Variants in LRRTM3 observed in about 807,000 individuals in gnomAD.
LRRTM3 encodes the protein leucine-rich repeat transmembrane neuronal protein 3.
In LRRTM3, 24 loss-of-function variants were observed where a neutral mutation model predicts 44.7. That is an observed-to-expected ratio of 0.54 (90% confidence interval 0.39 to 0.76). The LOEUF (loss-of-function observed/expected upper bound fraction) is 0.76. Among genes scored for constraint, LRRTM3 ranks in the 30% least tolerant of loss-of-function variants. The pLI, the probability that LRRTM3 is intolerant of heterozygous loss-of-function variation, is 0.00. For synonymous variants in LRRTM3, 277 were observed against 278.7 expected, an observed-to-expected ratio of 0.99 and a Z score of 0.06; for missense variants, 587 against 702.2, an observed-to-expected ratio of 0.84 and a Z score of 1.85.
chr10:66,961,106 G>A (rs1849087060), intron 2 of LRRTM3, among the ~76,000 whole-genome samples: 1 of 152,104 alleles, frequency 6.6e-6, no homozygotes, highest in African/African-American at 2.4e-5. Flanking sequence ...TCAATAGCAA[G>A]GTCTTCTAGC....
chr10:66,946,614 A>G (rs1436424707), intron 2 of LRRTM3, among the ~76,000 whole-genome samples: 1 of 152,126 alleles, frequency 6.6e-6, no homozygotes, highest in Non-Finnish European at 1.5e-5. Flanking sequence ...CTGTTTTGGT[A>G]CTTTACATAA....
intron 2 of LRRTM3, among the ~76,000 whole-genome samples, chr10:66,978,371 C>CA (rs1850185912): frequency 6.6e-6 from 1 of 150,566 alleles, no homozygotes; most frequent in Non-Finnish European, 1.5e-5. Flanking sequence ...ACTAAAAATA[C>CA]AAAAAACTAG....
intron 2 of LRRTM3, among the ~76,000 whole-genome samples, chr10:66,965,976 A>G (rs1849390326): frequency 6.6e-6 from 1 of 152,212 alleles, no homozygotes; most frequent in African/African-American, 2.4e-5. Context: ...TGAAATTAAT[A>G]TAGCTCAGTA....
intron 2 of LRRTM3, among the ~76,000 whole-genome samples, chr10:66,962,433 CAG>C (rs1476097681): frequency 2.7e-5 from 4 of 149,118 alleles, no homozygotes; most frequent in Non-Finnish European, 4.4e-5. Context: ...TTTTTTGAGA[CAG>C]AGTCTCACTC....
At chr10:67,031,704 C>A (rs1255023647) in intron 2 of LRRTM3, among the ~76,000 whole-genome samples, 1 of 152,088 alleles carries the variant, frequency 6.6e-6, no homozygotes, top group Non-Finnish European at 1.5e-5. Flanking sequence ...TTTGAGTAGA[C>A]TAGGACCTTA....
At chr10:67,088,165 A>G (rs1857417258) in intron 2 of LRRTM3, among the ~76,000 whole-genome samples, 1 of 151,426 alleles carries the variant, frequency 6.6e-6, no homozygotes, top group Non-Finnish European at 1.5e-5. Flanking sequence ...CTTTTCCTAC[A>G]TGGAATCCTC....
chr10:67,043,190 C>G (rs998806759), intron 2 of LRRTM3, among the ~76,000 whole-genome samples: 1 of 148,868 alleles, frequency 6.7e-6, no homozygotes, highest in African/African-American at 2.5e-5. Context: ...CAACTTTTCT[C>G]CCTATAGCTC....
At chr10:66,961,249 G>A (rs1416247116) in intron 2 of LRRTM3, among the ~76,000 whole-genome samples, 1 of 152,018 alleles carries the variant, frequency 6.6e-6, no homozygotes, top group African/African-American at 2.4e-5. Context: ...CTGATCTCCA[G>A]TTCATCTCAT....
chr10:67,017,935 A>T (rs1351183396), intron 2 of LRRTM3, among the ~76,000 whole-genome samples: 1 of 151,768 alleles, frequency 6.6e-6, no homozygotes, highest in Non-Finnish European at 1.5e-5. Context: ...ACGCCCAGCT[A>T]ATTTTTGTAT....
intron 2 of LRRTM3, among the ~76,000 whole-genome samples, chr10:66,931,704 G>A (rs1023390041): frequency 6.6e-6 from 1 of 152,102 alleles, no homozygotes; most frequent in Admixed American, 6.5e-5. Flanking sequence ...TAATTATAAT[G>A]TAATTTTTGA....
chr10:66,967,468 G>T (rs1396961988), intron 2 of LRRTM3, among the ~76,000 whole-genome samples: 2 of 151,098 alleles, frequency 1.3e-5, no homozygotes, highest in Admixed American at 1.3e-4. Context: ...AATCAATAAT[G>T]GTCCCATCTG....
intron 2 of LRRTM3, among the ~76,000 whole-genome samples, chr10:67,000,019 T>TAGCTC (rs1851584623): frequency 6.6e-6 from 1 of 152,200 alleles, no homozygotes; most frequent in Admixed American, 6.5e-5. Flanking sequence ...ATTTATGGGA[T>TAGCTC]AGCTGTTTTT....
At chr10:66,939,110 C>G (rs1339726173) in intron 2 of LRRTM3, among the ~76,000 whole-genome samples, 4 of 152,120 alleles carry the variant, frequency 2.6e-5, no homozygotes, top group Non-Finnish European at 5.9e-5. Flanking sequence ...TTACGCGTTT[C>G]CAAAGTAACT....
chr10:66,950,479 C>G (rs928662145), intron 2 of LRRTM3, among the ~76,000 whole-genome samples: 12 of 152,118 alleles, frequency 7.9e-5, no homozygotes, highest in African/African-American at 2.9e-4. Flanking sequence ...GAGAGTCTCA[C>G]TGAGACTCTA....
chr10:66,926,888 G>A lies in LRRTM3; in HGVS notation c.5-33G>A, dbSNP rs749939934. 2.6e-6 allele frequency: 4 copies of A among 1,520,442 alleles called. No individual in the cohort carries two copies. The African/African-American group carries it at 5.6e-5, about 21-fold the overall frequency. The allele number at this position is 1,520,442 out of a possible 1,614,324, so 94.2% of individuals were successfully genotyped here. On this transcript the variant is annotated intron_variant, in intron 1 of 2. Transcript: ENST00000361320. The stretch of plus-strand genomic sequence containing the variant: ...GATTAAGGATTAATTCTTTTTTGGG[G>A]GGATAACTTTTCTAAGTTGTTTTTA...
chr10:67,027,365 A>C (rs1175990034), intron 2 of LRRTM3, among the ~76,000 whole-genome samples: 2 of 152,088 alleles, frequency 1.3e-5, no homozygotes, highest in African/African-American at 4.8e-5. Flanking sequence ...GGATTACTTT[A>C]ATGACTCAGA....
At chr10:66,938,851 GCTGCGAATACAC>G (rs1847855249) in intron 2 of LRRTM3, among the ~76,000 whole-genome samples, 1 of 152,160 alleles carries the variant, frequency 6.6e-6, no homozygotes, top group African/African-American at 2.4e-5. Flanking sequence ...TTTAAGTCTA[GCTGCGAATACAC>G]CTTCATTTTT....
At chr10:67,015,881 G>A (rs1482245278) in intron 2 of LRRTM3, among the ~76,000 whole-genome samples, 11 of 151,644 alleles carry the variant, frequency 7.3e-5, no homozygotes, top group Admixed American at 4.6e-4. Context: ...TTCCAACCTA[G>A]TATCTATGCT....
At position 67,036,716 on chromosome 10, in the gene LRRTM3, T is replaced by C. The variant is rs143858318; in HGVS notation, c.1537-60871T>C. On this transcript the variant is annotated intron_variant, in intron 2 of 2. Coordinates refer to ENST00000361320, the MANE Select transcript of LRRTM3 (RefSeq NM_178011.5). ...AGGATAAATATCGAGGCTGTGCCCA[T>C]TCATTTGTTTATTTATGCAATAAAT... 2.1e-3 allele frequency among the ~76,000 whole-genome samples: 327 copies of C among 152,240 alleles called. 6 individuals are homozygous for C. In the East Asian group the frequency reaches 0.041, roughly 19 times the overall value.
Sources: gnomAD v4.1 joint callset for allele counts (sites outside exome capture counted in the v4.1 genomes callset) on GRCh38, gnomAD v4.1.1 for gene constraint, MANE v1.5 for transcripts, NCBI Gene and HGNC (gene_info 2026-07-23, HGNC 2026-07-21) for gene names.